The following ATP1B4 variants were observed in gnomAD, a reference collection of about 807,000 sequenced individuals.
ATP1B4 encodes the protein ATPase Na+/K+ transporting family member beta 4, also known as protein ATP1B4.
A neutral mutation model predicts 29.6 loss-of-function variants in ATP1B4; 32 were observed. The observed-to-expected ratio is 1.08, with a 90% CI of 0.82 to 1.45. The LOEUF is 1.45. Among genes scored for constraint, ATP1B4 ranks in the 40% most tolerant of loss-of-function variants. The pLI is 0.00. For synonymous variants in ATP1B4, 127 were observed against 102.1 expected (o/e 1.24, Z -1.47); for missense variants, 323 against 276.2 (o/e 1.17, Z -1.20).
intron 4 of ATP1B4, among the ~76,000 whole-genome samples, chrX:120,372,269 C>G (rs952557711): frequency 1.4e-4 from 16 of 111,865 alleles, no homozygotes; most frequent in African/African-American, 5.2e-4. Flanking sequence ...GCCAGTCATT[C>G]TGGCTTGGTT....
intron 2 of ATP1B4, among the ~76,000 whole-genome samples, chrX:120,368,995 T>C (rs935306183): frequency 1.8e-5 from 2 of 111,711 alleles, no homozygotes; most frequent in African/African-American, 6.5e-5. Flanking sequence ...CGCCCACTCC[T>C]GGGTGAGGCT....
chrX:120,373,703 CAT>C (rs1164652322), intron 4 of ATP1B4, among the ~76,000 whole-genome samples: 1 of 112,324 alleles, frequency 8.9e-6, no homozygotes, highest in Non-Finnish European at 1.9e-5. Flanking sequence ...TCCTTGGACA[CAT>C]GTTACATTCC....
In ATP1B4 at chrX:120,375,556, A is replaced by G. The variant is rs1164305699; in HGVS notation, c.747A>G (p.Leu249=). ...CTACTGGACAGCCCTGCATCCTTCT[A>G]AAGATGAACCGGGTATATTGGCTTT... is the stretch of plus-strand genomic sequence containing the variant. The part of the protein sequence containing the change: ...GYSTGQPCIL[L]KMNRIVGFRP... Residue 249 remains leucine, a synonymous_variant, in exon 5 of 8, where the codon CTA becomes CTG. Coordinates refer to ENST00000218008, the MANE Select transcript of ATP1B4 (RefSeq NM_001142447.3). 8.3e-7 allele frequency: 1 copy of G among 1,206,816 alleles called. No individual in the cohort carries two copies. The highest frequency in any genetic ancestry group is 2.2e-5 in the Admixed American group (1 of 45,475).
intron 4 of ATP1B4, among the ~76,000 whole-genome samples, chrX:120,374,741 ATAAGGGTGTAT>A (rs2058338146): frequency 1.7e-5 from 1 of 59,935 alleles, no homozygotes; most frequent in Non-Finnish European, 2.9e-5. Flanking sequence ...TATATTATAT[ATAAGGGTGTAT>A]ATATATATAT....
At chrX:120,374,394 T>G (rs2058329981) in intron 4 of ATP1B4, among the ~76,000 whole-genome samples, 1 of 104,176 alleles carries the variant, frequency 9.6e-6, no homozygotes, top group Non-Finnish European at 2.0e-5. Flanking sequence ...GCCCAATGGG[T>G]TCACCTTGTT....
Position 120,382,214 on chromosome X carries a change from G to A in ATP1B4, c.*2580G>A. ...AATCTCCTTCCCAGACACCTTCAAAGTCTTATTGACACAGTAAAGGGAGGC... is the reference window on the plus strand; with the variant it reads ...AATCTCCTTCCCAGACACCTTCAAAATCTTATTGACACAGTAAAGGGAGGC... On this transcript the variant is annotated 3_prime_UTR_variant, in exon 8 of 8. Transcript: ENST00000218008. The A allele has an allele frequency of 9.0e-6, 1 of 111,436 alleles. No individual in the cohort carries two copies. The highest frequency in any genetic ancestry group is 2.8e-4 in the East Asian group (1 of 3,571). The allele number at this position is 111,436 out of a possible 1,213,427, so 9.2% of individuals were successfully genotyped here.
At chrX:120,368,694 C>CT (rs1772027830) in intron 2 of ATP1B4, among the ~76,000 whole-genome samples, 1 of 111,775 alleles carries the variant, frequency 8.9e-6, no homozygotes, top group Admixed American at 9.5e-5. Flanking sequence ...TTCATGAACT[C>CT]TAACAATGAA....
At chrX:120,373,833 T>C (rs900234714) in intron 4 of ATP1B4, among the ~76,000 whole-genome samples, 6 of 111,715 alleles carry the variant, frequency 5.4e-5, no homozygotes, top group African/African-American at 2.0e-4. Flanking sequence ...TTTTAACTTA[T>C]GCTTCTGTTT....
chrX:120,372,629 A>G (rs1430062739), intron 4 of ATP1B4, among the ~76,000 whole-genome samples: 1 of 112,253 alleles, frequency 8.9e-6, no homozygotes, highest in African/African-American at 3.2e-5. Context: ...GCAAAATCTC[A>G]GACCACATTC....
intron 2 of ATP1B4, among the ~76,000 whole-genome samples, chrX:120,370,102 C>T (rs2058305806): frequency 3.6e-5 from 4 of 111,703 alleles, no homozygotes; most frequent in Admixed American, 1.9e-4. Flanking sequence ...GGTACTGTCT[C>T]CTCCTTTTCC....
chrX:120,365,752 C>T lies in ATP1B4; in HGVS notation c.64-773C>T, dbSNP rs1224813127. ...TCTTAGAACCACTCAGAGAAGATTA[C>T]AGTTTCAAATCTCAAGTAATGGCTG... On this transcript the variant is annotated intron_variant, in intron 1 of 7. Transcript: ENST00000218008. 2.7e-5 allele frequency among the ~76,000 whole-genome samples: 3 copies of T among 112,456 alleles called. No homozygotes were observed. In the Admixed American group the frequency reaches 2.8e-4, roughly 11 times the overall value.
intron 4 of ATP1B4, among the ~76,000 whole-genome samples, chrX:120,375,123 G>A (rs1203789373): frequency 1.8e-5 from 2 of 109,427 alleles, no homozygotes; most frequent in East Asian, 5.8e-4. Context: ...AAGTTCCATG[G>A]GAATGAAAAG....
At chrX:120,374,682 T>C (rs1412731358) in intron 4 of ATP1B4, among the ~76,000 whole-genome samples, 2 of 56,487 alleles carry the variant, frequency 3.5e-5, no homozygotes, top group Admixed American at 5.5e-4. Context: ...ATATATTATA[T>C]ACCCTTATAT....
chrX:120,366,189 T>G (rs991240511), intron 1 of ATP1B4, among the ~76,000 whole-genome samples: 1 of 111,626 alleles, frequency 9.0e-6, no homozygotes, highest in Non-Finnish European at 1.9e-5. Flanking sequence ...TCACCTCTAC[T>G]CTGATAGGAC....
At chrX:120,376,296 G>A (rs927906337) in intron 5 of ATP1B4, 84 bp from the exon 6 acceptor site, 1 of 896,996 alleles carries the variant, frequency 1.1e-6, no homozygotes, top group Non-Finnish European at 1.6e-6. Context: ...AAGCATGACT[G>A]GGAGGAAGGT....
chrX:120,377,285 G>C (rs951965553), intron 6 of ATP1B4, among the ~76,000 whole-genome samples: 2 of 112,490 alleles, frequency 1.8e-5, no homozygotes, highest in Middle Eastern at 9.3e-3. Context: ...CTAGGTGTTA[G>C]AAGTGTCGAG....
At chrX:120,369,822 C>T (rs2058303980) in intron 2 of ATP1B4, among the ~76,000 whole-genome samples, 1 of 112,070 alleles carries the variant, frequency 8.9e-6, no homozygotes, top group African/African-American at 3.2e-5. Context: ...TGCTTATATG[C>T]ATTAGTCAAT....
intron 1 of ATP1B4, among the ~76,000 whole-genome samples, chrX:120,364,271 C>A (rs900373308): frequency 8.9e-6 from 1 of 111,791 alleles, no homozygotes; most frequent in Non-Finnish European, 1.9e-5. Flanking sequence ...ATATATATTT[C>A]TCCTCAATGA....
chrX:120,374,775 A>T (rs866566212), intron 4 of ATP1B4, among the ~76,000 whole-genome samples: 80 of 480 alleles, frequency 0.17, 2 homozygotes, highest in African/African-American at 0.33. Context: ...TATATATATA[A>T]TATATATATA....
Sources: allele counts gnomAD v4.1 joint callset (sites outside exome capture counted in the v4.1 genomes callset), GRCh38; gene constraint gnomAD v4.1.1; transcripts MANE v1.5; gene names NCBI Gene and HGNC (gene_info 2026-07-23, HGNC 2026-07-21).